Variants in GRHL1 observed in about 807,000 individuals in gnomAD.
GRHL1 encodes grainyhead-like protein 1 homolog.
A neutral mutation model predicts 75.7 loss-of-function variants in GRHL1; 38 were observed. The ratio of observed to expected loss-of-function variants is 0.50; its 90% CI spans 0.39 to 0.66. The LOEUF (loss-of-function observed/expected upper bound fraction) is 0.66, where lower values mean the gene tolerates loss of function less well. GRHL1 is among the 30% of genes least tolerant of loss of function. GRHL1 has a pLI of 0.00. For missense variants in GRHL1, 589 were observed against 767.5 expected, an observed-to-expected ratio of 0.77 and a Z score of 2.75; for synonymous variants, 266 against 279.4, an observed-to-expected ratio of 0.95 and a Z score of 0.48.
At chr2:9,971,333 G>C (rs565787039) in intron 8 of GRHL1, among the ~76,000 whole-genome samples, 7 of 152,122 alleles carry the variant, frequency 4.6e-5, no homozygotes, top group Admixed American at 3.9e-4. Flanking sequence ...AGGAAGGAGC[G>C]GGGAGAGAAG....
In GRHL1 at chr2:9,998,673, T is replaced by TATATACATATATATGTACACAC. The variant is rs1669064878; in HGVS notation, c.1678-287_1678-286insCATATATATGTACACACATATA. 8.5e-5 allele frequency among the ~76,000 whole-genome samples: 5 copies of TATATACATATATATGTACACAC among 58,954 alleles called. 1 individual carries two copies. The highest frequency in any genetic ancestry group is 8.6e-5 in the Non-Finnish European group (3 of 34,992). 38.7% of individuals were successfully genotyped at this position (58,954 alleles called of 152,430 possible). On this transcript the variant is annotated intron_variant, in intron 14 of 15. Coordinates refer to ENST00000324907, the MANE Select transcript of GRHL1 (RefSeq NM_198182.3). ...ATACATATACATATATATGTACACA[T>TATATACATATATATGTACACAC]ATATATACATATATATGTACACACA...
chr2:9,951,734 C>A lies in GRHL1; in HGVS notation c.-100C>A. ...ACCCAACCCGTCGGGGCCGCCGCTCCGGACCCGCAGCCGCCGCCGCCGCCT... is the reference window on the plus strand; with the variant it reads ...ACCCAACCCGTCGGGGCCGCCGCTCAGGACCCGCAGCCGCCGCCGCCGCCT... On this transcript the variant is annotated 5_prime_UTR_variant, in exon 1 of 16. Transcript: ENST00000324907. This position sits in a 1 kb window ranked among gnomAD's most constrained non-coding sequence, Gnocchi z 4.2. 8.5e-7 allele frequency: 1 copy of A among 1,169,908 alleles called. No individual in the cohort carries two copies. Among genetic ancestry groups the A allele is most frequent in the Non-Finnish European group, 1.2e-6 (1 of 843,716 alleles). 72.5% of individuals were successfully genotyped at this position (1,169,908 alleles called of 1,614,324 possible). A position where few individuals can be genotyped will look rare whatever the true frequency, so the allele number is the denominator to read the frequency against.
At chr2:9,953,282 C>CTG (rs1284375151) in intron 1 of GRHL1, among the ~76,000 whole-genome samples, 1 of 152,242 alleles carries the variant, frequency 6.6e-6, no homozygotes, top group Admixed American at 6.5e-5. Flanking sequence ...CAGCCAAGTG[C>CTG]TGTCATAGTC....
At position 10,000,930 on chromosome 2, in the gene GRHL1, T is replaced by C. The variant is rs902539502; in HGVS notation, c.*223T>C. The C allele has an allele frequency of 2.6e-6, 1 of 391,128 alleles. No homozygotes were observed. Among genetic ancestry groups the C allele is most frequent in the Admixed American group, 4.5e-5 (1 of 22,404 alleles). 24.2% of individuals were successfully genotyped at this position (391,128 alleles called of 1,614,324 possible). A position where few individuals can be genotyped will look rare whatever the true frequency, so the allele number is the denominator to read the frequency against. On this transcript the variant is annotated 3_prime_UTR_variant, in exon 16 of 16. Coordinates refer to ENST00000324907, the MANE Select transcript of GRHL1 (RefSeq NM_198182.3). ...TGAAAGAGAAATCCATATACCATTA[T>C]GTTTGAATTTCCTGATATATACAGG...
chr2:9,951,755 C>T lies in GRHL1; in HGVS notation c.-79C>T. 9.6e-6 allele frequency: 13 copies of T among 1,353,060 alleles called. No homozygotes were observed. Among genetic ancestry groups the T allele is most frequent in the Non-Finnish European group, 1.3e-5 (13 of 1,003,658 alleles). The allele number at this position is 1,353,060 out of a possible 1,614,324, so 83.8% of individuals were successfully genotyped here. ...GCTCCGGACCCGCAGCCGCCGCCGC[C>T]GCCTCCTCCCCCCGGATCGGGTGTA... On this transcript the variant is annotated 5_prime_UTR_variant, in exon 1 of 16. Coordinates refer to ENST00000324907, the MANE Select transcript of GRHL1 (RefSeq NM_198182.3). This position sits in a 1 kb window ranked among gnomAD's most constrained non-coding sequence, Gnocchi z 4.2.
At chr2:9,967,220 T>G (rs925547057) in intron 8 of GRHL1, among the ~76,000 whole-genome samples, 2 of 152,244 alleles carry the variant, frequency 1.3e-5, no homozygotes, top group Admixed American at 1.3e-4. Context: ...GCTCAGTCCT[T>G]TCCCCTTGAT....
intron 8 of GRHL1, among the ~76,000 whole-genome samples, chr2:9,981,044 G>T (rs1250199863): frequency 1.3e-5 from 2 of 152,258 alleles, no homozygotes; most frequent in African/African-American, 4.8e-5. Context: ...CATGGGAAGT[G>T]TTAAAACTGA....
chr2:9,953,579 TG>T, intron 1 of GRHL1, among the ~76,000 whole-genome samples: 1 of 152,380 alleles, frequency 6.6e-6, no homozygotes, highest in African/African-American at 2.4e-5. Context: ...TGCCAAAACG[TG>T]AGTAAAAACA....
At chr2:9,999,666 T>G (rs1025377484) in intron 15 of GRHL1, among the ~76,000 whole-genome samples, 8 of 152,242 alleles carry the variant, frequency 5.3e-5, no homozygotes, top group Non-Finnish European at 1.2e-4. Flanking sequence ...TATGTCACGT[T>G]GCTGCTTTGT....
chr2:10,000,816 G>T lies in GRHL1; in HGVS notation c.*109G>T. On this transcript the variant is annotated 3_prime_UTR_variant, in exon 16 of 16. Transcript: ENST00000324907. ...AGCCATGTCGCCAGCACAGGTCTAT[G>T]TCGAGGGAATGGGTTCCTTGCAGGT... The T allele has an allele frequency of 1.6e-6, 1 of 621,570 alleles. No homozygotes were observed. The highest frequency in any genetic ancestry group is 2.9e-6 in the Non-Finnish European group (1 of 345,940). The allele number at this position is 621,570 out of a possible 1,614,324, so 38.5% of individuals were successfully genotyped here. A position where few individuals can be genotyped will look rare whatever the true frequency, so the allele number is the denominator to read the frequency against.
intron 2 of GRHL1, 100 bp from the exon 3 acceptor site, chr2:9,958,686 A>G (rs1667142641): frequency 3.5e-6 from 3 of 863,036 alleles, no homozygotes; most frequent in African/African-American, 3.3e-5. Flanking sequence ...CAGTAGATAA[A>G]TGAATGATTG....
chr2:9,998,603 TATATATACATATATATGTAC>T lies in GRHL1; in HGVS notation c.1678-360_1678-341del, dbSNP rs1296937250. Among the ~76,000 whole-genome samples, 28 of 55,356 alleles carry T rather than the reference TATATATACATATATATGTAC, an allele frequency of 5.1e-4. 5 individuals are homozygous for T. The highest frequency in any genetic ancestry group is 2.2e-3 in the Admixed American group (11 of 4,928). 36.3% of individuals were successfully genotyped at this position (55,356 alleles called of 152,430 possible). On this transcript the variant is annotated intron_variant, in intron 14 of 15. Transcript: ENST00000324907. The stretch of plus-strand genomic sequence containing the variant: ...ATATGTACATATATATGTACACATA[TATATATACATATATATGTAC>T]ACATATACATATATATGTACACATA...
Position 9,955,045 on chromosome 2 carries a change from A to C in GRHL1, c.151A>C (p.Ile51Leu), listed in dbSNP as rs1044562083. 1.1e-5 allele frequency: 17 copies of C among 1,613,756 alleles called. No individual in the cohort carries two copies. The highest frequency in any genetic ancestry group is 1.0e-4 in the Admixed American group (6 of 60,006). ...TGCAGCGACCAAAGCGATGATGAGCATCAATGGAGATGAAGACAGCGCCGC... is the reference window on the plus strand; with the variant it reads ...TGCAGCGACCAAAGCGATGATGAGCCTCAATGGAGATGAAGACAGCGCCGC... ...LTAATKAMMS[I>L]NGDEDSAAAL... The change falls in exon 2 of 16, where the codon ATC (isoleucine) becomes CTC (leucine). Residue 51 changes from isoleucine (I) to leucine (L), a missense_variant. Physicochemically the swap from Ile to Leu is conservative, Grantham distance 5. Transcript: ENST00000324907.
chr2:9,958,681 G>C (rs1667142468), intron 2 of GRHL1, 105 bp from the exon 3 acceptor site: 1 of 822,466 alleles, frequency 1.2e-6, no homozygotes, highest in African/African-American at 1.7e-5. Context: ...GCAACCAGTA[G>C]ATAAATGAAT....
chr2:9,954,924 A>C lies in GRHL1; in HGVS notation c.30A>C (p.Pro10=), dbSNP rs1350681612. The C allele has an allele frequency of 6.2e-7, 1 of 1,612,540 alleles. No homozygotes were observed. The highest frequency in any genetic ancestry group is 8.5e-7 in the Non-Finnish European group (1 of 1,178,702). Residue 10 remains proline (P), a synonymous_variant, in exon 2 of 16, where the codon CCA becomes CCC. Coordinates refer to ENST00000324907, the MANE Select transcript of GRHL1 (RefSeq NM_198182.3). ...TTTAATTTCTCTGAAGCAAACGGCCAGTGTTGGTTCTTCAGAATGAAGCAC... is the reference window on the plus strand; with the variant it reads ...TTTAATTTCTCTGAAGCAAACGGCCCGTGTTGGTTCTTCAGAATGAAGCAC... MTQEYDNKR[P]VLVLQNEALY...
At chr2:9,974,991 A>C (rs1667886410) in intron 8 of GRHL1, among the ~76,000 whole-genome samples, 2 of 152,240 alleles carry the variant, frequency 1.3e-5, no homozygotes, top group African/African-American at 4.8e-5. Context: ...GAGCTGCAGA[A>C]TATTTTTGCA....
In GRHL1 at chr2:9,987,055, T is replaced by C. The variant is rs1668452075; in HGVS notation, c.1269+773T>C. 6.6e-6 allele frequency among the ~76,000 whole-genome samples: 1 copy of C among 151,906 alleles called. No individual in the cohort carries two copies. Among genetic ancestry groups the C allele is most frequent in the Non-Finnish European group, 1.5e-5 (1 of 67,966 alleles). ...GTGCAGTGGCGCAGTCTCGGCTCAC[T>C]GCAGCCTCTGCTTCCCGGGTTCAAA... On this transcript the variant is annotated intron_variant, in intron 9 of 15. Transcript: ENST00000324907. The surrounding 1 kb of genome is among the most constrained non-coding windows in gnomAD (Gnocchi z 4.2).
rs1227261753 is a variant in GRHL1 at position 9,992,858 on chromosome 2, G to A, written c.1462-349G>A. On this transcript the variant is annotated intron_variant, in intron 11 of 15. Transcript: ENST00000324907. The surrounding 1 kb of genome is among the most constrained non-coding windows in gnomAD (Gnocchi z 4.6). ...GGGGTTAGCACACTGTTTTTGTGAAGGGCTGGGCCGTAAAGGTTTTCAGCT... is the reference window on the plus strand; with the variant it reads ...GGGGTTAGCACACTGTTTTTGTGAAAGGCTGGGCCGTAAAGGTTTTCAGCT... Among the ~76,000 whole-genome samples, 1 of 152,224 alleles carries A rather than the reference G, an allele frequency of 6.6e-6. No homozygotes were observed. Among genetic ancestry groups the A allele is most frequent in the Admixed American group, 6.5e-5 (1 of 15,286 alleles).
chr2:9,953,131 G>A (rs1003174587), intron 1 of GRHL1: 3 of 455,532 alleles, frequency 6.6e-6, no homozygotes, highest in African/African-American at 4.0e-5. Context: ...TTGGCCTTAG[G>A]CAGGCTTTGG....
Sources: gnomAD v4.1 joint callset for allele counts (sites outside exome capture counted in the v4.1 genomes callset) on GRCh38, gnomAD v4.1.1 for gene constraint, Gnocchi (gnomAD v3.1) non-coding constraint, MANE v1.5 for transcripts, NCBI Gene and HGNC (gene_info 2026-07-23, HGNC 2026-07-21) for gene names.